The following CEMIP variants were observed in gnomAD, a reference collection of about 807,000 sequenced individuals.
CEMIP encodes the protein cell migration-inducing and hyaluronan-binding protein.
In CEMIP, 105 loss-of-function variants were observed where a neutral mutation model predicts 156.9. That is an observed-to-expected ratio of 0.67 (90% confidence interval 0.57 to 0.79). The LOEUF is 0.79. Ranked by LOEUF, CEMIP falls within the 30% of genes least tolerant of loss-of-function variation. The pLI, the probability that CEMIP is intolerant of heterozygous loss-of-function variation, is 0.00. For synonymous variants in CEMIP, 676 were observed against 668.4 expected, an observed-to-expected ratio of 1.01 and a Z score of -0.17; for missense variants, 1,457 against 1,769.4, an observed-to-expected ratio of 0.82 and a Z score of 3.17.
intron 1 of CEMIP, among the ~76,000 whole-genome samples, chr15:80,805,868 A>G (rs926326419): frequency 1.3e-5 from 2 of 152,232 alleles, no homozygotes; most frequent in Non-Finnish European, 2.9e-5. Flanking sequence ...TTGTGTATAA[A>G]GGACCATTGT....
rs181320478 is a variant in CEMIP at position 80,851,270 on chromosome 15, G to A, written c.-175-22268G>A. ...CAAAGGGTGAACAGGAGACAGGGAC[G>A]TGGCCAGTGATTGGCTAACAAATCT... On this transcript the variant is annotated intron_variant, in intron 1 of 29. Transcript: ENST00000394685. Among the ~76,000 whole-genome samples, 11 of 152,330 alleles carry A rather than the reference G, an allele frequency of 7.2e-5. No homozygotes were observed. In the East Asian group the frequency reaches 1.4e-3, roughly 19 times the overall value.
intron 1 of CEMIP, among the ~76,000 whole-genome samples, chr15:80,848,926 A>ACACACACACACACACACACACACACC (rs374603705): frequency 6.5e-4 from 85 of 131,186 alleles, no homozygotes; most frequent in African/African-American, 2.4e-3. Context: ...ACACACACAC[A>ACACACACACACACACACACACACACC]CCCTGGCTTC....
chr15:80,923,543 TGCAAGGGCTCATG>T (rs1900550946), intron 17 of CEMIP, among the ~76,000 whole-genome samples: 1 of 152,028 alleles, frequency 6.6e-6, no homozygotes, highest in African/African-American at 2.4e-5. Context: ...CAAGCAGGCA[TGCAAGGGCTCATG>T]GGTGCAGGTG....
chr15:80,947,422 G>A (rs750626029), intron 29 of CEMIP: 1 of 293,498 alleles, frequency 3.4e-6, no homozygotes, highest in Non-Finnish European at 6.6e-6. Flanking sequence ...AGACTGGCCA[G>A]GGGTCCTGCA....
At chr15:80,807,697 T>C (rs1035826639) in intron 1 of CEMIP, among the ~76,000 whole-genome samples, 1 of 152,230 alleles carries the variant, frequency 6.6e-6, no homozygotes, top group Admixed American at 6.5e-5. Flanking sequence ...AAAGGCTGTC[T>C]TAAAAACATT....
intron 12 of CEMIP, among the ~76,000 whole-genome samples, chr15:80,898,434 G>A (rs145359469): frequency 2.0e-5 from 3 of 152,312 alleles, no homozygotes; most frequent in East Asian, 3.9e-4. Flanking sequence ...ACCATTAGGT[G>A]CAATAATTTA....
intron 28 of CEMIP, among the ~76,000 whole-genome samples, chr15:80,945,625 G>C (rs184820154): frequency 6.6e-6 from 1 of 152,134 alleles, no homozygotes; most frequent in Non-Finnish European, 1.5e-5. Flanking sequence ...CAAGCCCTTC[G>C]CATCTTAAGA....
intron 25 of CEMIP, among the ~76,000 whole-genome samples, chr15:80,939,082 G>C (rs760701193): frequency 8.5e-5 from 13 of 152,196 alleles, no homozygotes; most frequent in Non-Finnish European, 1.6e-4. Flanking sequence ...ACGCCAGCTG[G>C]GGGCAGACAA....
intron 1 of CEMIP, among the ~76,000 whole-genome samples, chr15:80,855,392 C>A (rs955965995): frequency 6.6e-6 from 1 of 152,184 alleles, no homozygotes; most frequent in African/African-American, 2.4e-5. Flanking sequence ...GAACTGGGAA[C>A]TGAGCCGAGG....
At position 80,873,899 on chromosome 15, in the gene CEMIP, A is replaced by G. The variant is rs1217284552; in HGVS notation, c.20A>G (p.Gln7Arg). Residue 7 changes from glutamine (Q) to arginine (R), a missense_variant, in exon 3 of 30, where the codon CAG becomes CGG. By Grantham distance (43) the Gln-to-Arg change is conservative (BLOSUM62 1). Transcript: ENST00000394685. MGAAGR[Q>R]DFLFKAMLTI... ...GCCAGGATGGGAGCTGCTGGGAGGC[A>G]GGACTTCCTCTTCAAGGCCATGCTG... The G allele has an allele frequency of 6.3e-7, 1 of 1,580,264 alleles. No homozygotes were observed. Among genetic ancestry groups the G allele is most frequent in the African/African-American group, 1.3e-5 (1 of 74,858 alleles).
intron 21 of CEMIP, 21 bp from the exon 22 acceptor site, chr15:80,931,838 C>T (rs1900924395): frequency 6.2e-7 from 1 of 1,610,858 alleles, no homozygotes; most frequent in Non-Finnish European, 8.5e-7. Flanking sequence ...AGACTGACAT[C>T]TTACTTCCTT....
chr15:80,854,601 C>T (rs1036678531), intron 1 of CEMIP, among the ~76,000 whole-genome samples: 1 of 152,216 alleles, frequency 6.6e-6, no homozygotes, highest in Admixed American at 6.5e-5. Context: ...CAATGGAAAA[C>T]AACTTTTATG....
At chr15:80,843,686 C>T (rs111845410) in intron 1 of CEMIP, among the ~76,000 whole-genome samples, 8,522 of 152,320 alleles carry the variant, frequency 0.056, 347 homozygotes, top group South Asian at 0.24. Flanking sequence ...GCGTCAGTCT[C>T]AGACGGTTTC....
In CEMIP at chr15:80,909,219, T is replaced by A. The variant is rs1405651592; in HGVS notation, c.1710T>A (p.Gly570=). 1.1e-5 allele frequency: 18 copies of A among 1,613,676 alleles called. No homozygotes were observed. The highest frequency in any genetic ancestry group is 1.4e-5 in the Non-Finnish European group (17 of 1,179,964). The change falls in exon 14 of 30, where the codon GGT becomes GGA. Residue 570 remains glycine (G), a synonymous_variant. Coordinates refer to ENST00000394685, the MANE Select transcript of CEMIP (RefSeq NM_001293298.2). The part of the protein sequence containing the change: ...HLAGDVDERG[G]YDPPTYIRDL... ...CCGGTGATGTAGACGAAAGGGGAGG[T>A]TATGACCCACCCACATACATCAGGG...
At chr15:80,827,935 A>G (rs1403616417) in intron 1 of CEMIP, among the ~76,000 whole-genome samples, 1 of 152,204 alleles carries the variant, frequency 6.6e-6, no homozygotes, top group Non-Finnish European at 1.5e-5. Flanking sequence ...GAAAGATTTG[A>G]AACAGTCTCA....
intron 1 of CEMIP, among the ~76,000 whole-genome samples, chr15:80,818,573 A>C (rs1204712359): frequency 6.6e-6 from 1 of 152,254 alleles, no homozygotes. Flanking sequence ...TCTAAGCTGC[A>C]GGGAGCATTA....
At chr15:80,821,365 A>T (rs1896903061) in intron 1 of CEMIP, among the ~76,000 whole-genome samples, 1 of 152,214 alleles carries the variant, frequency 6.6e-6, no homozygotes, top group Admixed American at 6.5e-5. Context: ...GGAAGTTATG[A>T]CCCATATATA....
chr15:80,926,228 A>C lies in CEMIP; in HGVS notation c.2420+473A>C, dbSNP rs374177990. 2.0e-5 allele frequency among the ~76,000 whole-genome samples: 3 copies of C among 152,332 alleles called. No individual in the cohort carries two copies. The South Asian group carries it at 6.2e-4, about 32-fold the overall frequency. On this transcript the variant is annotated intron_variant, in intron 19 of 29. Coordinates refer to ENST00000394685, the MANE Select transcript of CEMIP (RefSeq NM_001293298.2). ...GGTCACGCAGTTAGCTAGAGTTTGA[A>C]CTGGAACTTGGAGCCACAGTTCACT...
intron 1 of CEMIP, among the ~76,000 whole-genome samples, chr15:80,812,245 A>G (rs1345536056): frequency 1.3e-5 from 2 of 152,190 alleles, no homozygotes; most frequent in Non-Finnish European, 2.9e-5. Flanking sequence ...CATATTCTGC[A>G]ATGTTATAAT....
Sources: gnomAD v4.1 joint callset for allele counts (sites outside exome capture counted in the v4.1 genomes callset) on GRCh38, gnomAD v4.1.1 for gene constraint, MANE v1.5 for transcripts, NCBI Gene and HGNC (gene_info 2026-07-23, HGNC 2026-07-21) for gene names.